Variants in COLEC11 observed in about 807,000 individuals in gnomAD.
The protein encoded by COLEC11 is collectin-11.
In COLEC11, 20 loss-of-function variants were observed where a neutral mutation model predicts 27.3. That is an observed-to-expected ratio of 0.73 (90% confidence interval 0.51 to 1.06). The LOEUF (loss-of-function observed/expected upper bound fraction) is 1.06, where lower values mean the gene tolerates loss of function less well. COLEC11 is among the 50% of genes least tolerant of loss of function. The pLI is 0.00. For synonymous variants in COLEC11, 163 were observed against 154.7 expected (o/e 1.05, Z -0.40); for missense variants, 310 against 383.0 (o/e 0.81, Z 1.59).
At chr2:3,596,618 T>C (rs1303282433) in intron 1 of COLEC11, among the ~76,000 whole-genome samples, 1 of 152,226 alleles carries the variant, frequency 6.6e-6, no homozygotes, top group Non-Finnish European at 1.5e-5. Context: ...ATTATAGGCA[T>C]GAGCCACTGG....
chr2:3,620,149 A>C (rs1664077757), intron 3 of COLEC11, among the ~76,000 whole-genome samples: 1 of 152,130 alleles, frequency 6.6e-6, no homozygotes, highest in Non-Finnish European at 1.5e-5. Flanking sequence ...ATTAATTCCT[A>C]TTTAAATTTT....
intron 5 of COLEC11, chr2:3,641,312 T>C: frequency 7.7e-7 from 1 of 1,303,526 alleles, no homozygotes; most frequent in African/African-American, 1.5e-5. Context: ...CTTGGCTGAG[T>C]GTGAGTGCGC....
chr2:3,631,724 C>A (rs1000588196), intron 3 of COLEC11, among the ~76,000 whole-genome samples: 3 of 150,904 alleles, frequency 2.0e-5, no homozygotes, highest in African/African-American at 7.4e-5. Context: ...GGGGCCCCTA[C>A]TCGGAGGGGA....
Position 3,603,756 on chromosome 2 carries a change from C to G in COLEC11, c.-26-559C>G. 3.9e-6 allele frequency: 5 copies of G among 1,285,322 alleles called. No individual in the cohort carries two copies. In the East Asian group the frequency reaches 1.3e-4, roughly 32 times the overall value. The allele number at this position is 1,285,322 out of a possible 1,614,324, so 79.6% of individuals were successfully genotyped here. ...CCCACCTCCCCAGGCCCCTGGGTTC[C>G]TAAGGCCGGGGCTCCTCTCTCCTTA... On this transcript the variant is annotated intron_variant, in intron 1 of 6. Coordinates refer to ENST00000349077, the MANE Select transcript of COLEC11 (RefSeq NM_024027.5).
chr2:3,612,936 C>G (rs764879624), intron 2 of COLEC11, among the ~76,000 whole-genome samples: 1 of 150,464 alleles, frequency 6.6e-6, no homozygotes, highest in Non-Finnish European at 1.5e-5. Flanking sequence ...GTCGGGGTGA[C>G]GCTTCCCATG....
intron 3 of COLEC11, among the ~76,000 whole-genome samples, chr2:3,619,651 A>G (rs1429866377): frequency 2.0e-5 from 3 of 152,184 alleles, no homozygotes; most frequent in Non-Finnish European, 4.4e-5. Context: ...TTTGAGACGG[A>G]GTCTTGCTCT....
Position 3,602,797 on chromosome 2 carries a change from T to C in COLEC11, c.-26-1518T>C, listed in dbSNP as rs1343540598. On this transcript the variant is annotated intron_variant, in intron 1 of 6. Transcript: ENST00000349077. The surrounding 1 kb of genome is among the most constrained non-coding windows in gnomAD (Gnocchi z 6.2). ...TCCGGCATGCACTGCCTCAAGGCTT[T>C]CTCTGAGCCGCCCTCACCCACCTGT... Among the ~76,000 whole-genome samples, 2 of 152,172 alleles carry C rather than the reference T, an allele frequency of 1.3e-5. No individual in the cohort carries two copies. The highest frequency in any genetic ancestry group is 2.4e-5 in the African/African-American group (1 of 41,440).
At chr2:3,635,380 T>G (rs1665327825) in intron 3 of COLEC11, among the ~76,000 whole-genome samples, 1 of 152,158 alleles carries the variant, frequency 6.6e-6, no homozygotes, top group South Asian at 2.1e-4. Context: ...GGTCTCCTTT[T>G]GCGCCTTTCA....
chr2:3,637,449 C>T (rs557205321), intron 3 of COLEC11, 84 bp from the exon 4 acceptor site: 48 of 995,510 alleles, frequency 4.8e-5, no homozygotes, highest in East Asian at 4.7e-5. Context: ...GGAGGGCGGT[C>T]GGGTTATCCG....
Position 3,597,506 on chromosome 2 carries a change from A to G in COLEC11, c.-27+2338A>G, listed in dbSNP as rs531719240. On this transcript the variant is annotated intron_variant, in intron 1 of 6. Coordinates refer to ENST00000349077, the MANE Select transcript of COLEC11 (RefSeq NM_024027.5). ...GCTGCTCTGGGTTTCTCTGCTCACT[A>G]CTCACCCCTTTTCTTGGGAGACGGA... 2.0e-5 allele frequency among the ~76,000 whole-genome samples: 3 copies of G among 152,180 alleles called. No individual in the cohort carries two copies. The East Asian group carries it at 5.8e-4, about 29-fold the overall frequency.
intron 3 of COLEC11, among the ~76,000 whole-genome samples, chr2:3,613,737 A>T (rs910103534): frequency 6.6e-6 from 1 of 152,188 alleles, no homozygotes; most frequent in African/African-American, 2.4e-5. Flanking sequence ...CAGAGTACAC[A>T]GATAGGACCC....
At chr2:3,616,225 A>G (rs1663716420) in intron 3 of COLEC11, among the ~76,000 whole-genome samples, 2 of 150,036 alleles carry the variant, frequency 1.3e-5, no homozygotes, top group South Asian at 4.2e-4. Flanking sequence ...GACGCTCCTC[A>G]CTTCCCAGAC....
At chr2:3,622,744 T>C (rs1193295386) in intron 3 of COLEC11, among the ~76,000 whole-genome samples, 1 of 152,216 alleles carries the variant, frequency 6.6e-6, no homozygotes, top group Non-Finnish European at 1.5e-5. Flanking sequence ...TGGAGAGTTC[T>C]CATCAGATGT....
At chr2:3,595,333 C>T (rs1661775574) in intron 1 of COLEC11, among the ~76,000 whole-genome samples, 165 bp downstream of exon 1, 1 of 152,258 alleles carries the variant, frequency 6.6e-6, no homozygotes. Flanking sequence ...CTCAATAAAT[C>T]TGGCACCAGA....
At chr2:3,631,469 C>T (rs1664994832) in intron 3 of COLEC11, among the ~76,000 whole-genome samples, 1 of 152,158 alleles carries the variant, frequency 6.6e-6, no homozygotes, top group Non-Finnish European at 1.5e-5. Flanking sequence ...TCTCCACCCC[C>T]AGGCCCAGCT....
At chr2:3,637,134 G>A (rs545712948) in intron 3 of COLEC11, among the ~76,000 whole-genome samples, 107 of 152,342 alleles carry the variant, frequency 7.0e-4, no homozygotes, top group African/African-American at 2.5e-3. Context: ...TGCTTACAGA[G>A]TTGTGGGTGC....
At chr2:3,637,812 C>G (rs1016523148) in intron 4 of COLEC11, among the ~76,000 whole-genome samples, 1 of 152,120 alleles carries the variant, frequency 6.6e-6, no homozygotes. Context: ...TGCGGTGAAG[C>G]GCTCCCCATT....
At chr2:3,607,219 C>A (rs1662792174) in intron 2 of COLEC11, among the ~76,000 whole-genome samples, 1 of 151,978 alleles carries the variant, frequency 6.6e-6, no homozygotes, top group South Asian at 2.1e-4. Flanking sequence ...CCATTCCAGG[C>A]CATTTCAGAT....
At chr2:3,615,927 G>T (rs1434178734) in intron 3 of COLEC11, among the ~76,000 whole-genome samples, 2,809 of 96,744 alleles carry the variant, frequency 0.029, 128 homozygotes, top group African/African-American at 0.072. Context: ...CCGGACGGGG[G>T]GGCTGCCGGG....
Sources: allele counts gnomAD v4.1 joint callset (sites outside exome capture counted in the v4.1 genomes callset), GRCh38; gene constraint gnomAD v4.1.1; non-coding constraint Gnocchi (gnomAD v3.1); transcripts MANE v1.5; gene names NCBI Gene and HGNC (gene_info 2026-07-23, HGNC 2026-07-21).